Variants in COL6A5 observed in about 807,000 individuals in gnomAD.
The protein encoded by COL6A5 is collagen alpha-5(VI) chain.
COL6A5 carries 48 observed loss-of-function variants against 65.6 expected under a neutral mutation model. The ratio of observed to expected loss-of-function variants is 0.73; its 90% CI spans 0.58 to 0.93. The LOEUF (loss-of-function observed/expected upper bound fraction) is 0.93. Among genes scored for constraint, COL6A5 ranks in the 40% least tolerant of loss-of-function variants. The probability of loss-of-function intolerance (pLI) is 0.00; values close to 1 mark genes in which losing one functional copy is unlikely to be tolerated. For missense variants in COL6A5, 914 were observed against 928.3 expected (o/e 0.98, Z 0.20); for synonymous variants, 291 against 322.8 (o/e 0.90, Z 1.05).
intron 4 of COL6A5, among the ~76,000 whole-genome samples, chr3:130,445,760 C>T (rs575669949): frequency 5.9e-4 from 89 of 152,106 alleles, no homozygotes; most frequent in Non-Finnish European, 1.1e-3. Context: ...TCTCGTTCTC[C>T]TGATAAGAAA....
upstream of COL6A5, among the ~76,000 whole-genome samples, chr3:130,428,488 T>G (rs16827675): frequency 0.13 from 19,666 of 152,018 alleles, 2,582 homozygotes; most frequent in East Asian, 0.35. Context: ...TGATTAGCAT[T>G]TTGGAGGGAG....
At chr3:130,396,889 G>C (rs185152842) in intron 8 of COL6A5, among the ~76,000 whole-genome samples, 9 of 152,266 alleles carry the variant, frequency 5.9e-5, no homozygotes, top group East Asian at 1.9e-4. Flanking sequence ...TTGAGATGGA[G>C]TCTCGCTCTG....
intron 10 of COL6A5, among the ~76,000 whole-genome samples, chr3:130,399,438 T>C (rs1936731447): frequency 6.6e-6 from 1 of 151,488 alleles, no homozygotes. Context: ...TGGCCCGATC[T>C]TGGCTCACTG....
intron 1 of COL6A5, among the ~76,000 whole-genome samples, chr3:130,359,396 T>C (rs1007859635): frequency 1.2e-4 from 19 of 152,058 alleles, no homozygotes; most frequent in African/African-American, 2.4e-5. Context: ...TATGAAATGT[T>C]TAATTTAAAA....
chr3:130,401,117 A>G (rs954525713), exon 11 of COL6A5: 2 of 1,551,104 alleles, frequency 1.3e-6, no homozygotes, highest in Non-Finnish European at 1.7e-6. Context: ...ATTCGATTAC[A>G]GGACTCATCT....
intron 25 of COL6A5, among the ~76,000 whole-genome samples, chr3:130,419,661 G>T (rs539965709): frequency 1.3e-5 from 2 of 152,160 alleles, no homozygotes; most frequent in South Asian, 4.1e-4. Flanking sequence ...AATAAACCAG[G>T]CATGGAAAGT....
intron 7 of COL6A5, among the ~76,000 whole-genome samples, chr3:130,478,654 G>C (rs1710156831): frequency 6.6e-6 from 1 of 152,092 alleles, no homozygotes; most frequent in Non-Finnish European, 1.5e-5. Context: ...CTTTGCCCCA[G>C]ATGTAAAACC....
At chr3:130,439,247 G>A (rs537808861) in intron 1 of COL6A5, among the ~76,000 whole-genome samples, 1 of 152,114 alleles carries the variant, frequency 6.6e-6, no homozygotes, top group South Asian at 2.1e-4. Flanking sequence ...ATCTGGTCAG[G>A]TTATCTCATG....
chr3:130,400,648 C>T (rs1430601031), intron 10 of COL6A5, among the ~76,000 whole-genome samples: 1 of 152,186 alleles, frequency 6.6e-6, no homozygotes, highest in Non-Finnish European at 1.5e-5. Flanking sequence ...CAGGAAAATT[C>T]AGCAAAGCTC....
chr3:130,345,698 T>A (rs1934435537), exon 1 of COL6A5: 2 of 398,382 alleles, frequency 5.0e-6, no homozygotes, highest in African/African-American at 2.1e-5. Context: ...TTGTGAAGAG[T>A]TAAAAGCCCC....
intron 6 of COL6A5, 140 bp downstream of exon 38, chr3:130,469,621 T>G (rs374122601): frequency 4.1e-6 from 3 of 739,918 alleles, no homozygotes. Context: ...GTAAAAAATC[T>G]CAGAGAAAAT....
At chr3:130,352,078 G>A (rs988757586) in intron 1 of COL6A5, among the ~76,000 whole-genome samples, 1 of 152,098 alleles carries the variant, frequency 6.6e-6, no homozygotes, top group Non-Finnish European at 1.5e-5. Context: ...AACACCGCAC[G>A]TTCTCACTCA....
At chr3:130,403,562 TA>T in intron 12 of COL6A5, 46 bp from the exon 13 acceptor site, 1 of 1,391,066 alleles carries the variant, frequency 7.2e-7, no homozygotes, top group Non-Finnish European at 9.5e-7. Flanking sequence ...AGTTTGACTT[TA>T]TTGGGGGGGG....
At chr3:130,444,703 G>A (rs945171319) in intron 4 of COL6A5, among the ~76,000 whole-genome samples, 4 of 152,148 alleles carry the variant, frequency 2.6e-5, no homozygotes, top group Non-Finnish European at 5.9e-5. Context: ...ATTTACTACA[G>A]TGGAGCCCCC....
At chr3:130,412,590 G>A (rs1017930016) in intron 20 of COL6A5, among the ~76,000 whole-genome samples, 1 of 152,146 alleles carries the variant, frequency 6.6e-6, no homozygotes, top group South Asian at 2.1e-4. Context: ...AGGAACCGAG[G>A]CCTCAATCTT....
At chr3:130,365,984 A>G (rs1320406541) in intron 1 of COL6A5, among the ~76,000 whole-genome samples, 1 of 152,182 alleles carries the variant, frequency 6.6e-6, no homozygotes, top group Non-Finnish European at 1.5e-5. Context: ...TTGTTTTCTC[A>G]GCCACAACCC....
At chr3:130,378,745 T>G (rs1362633224) in intron 3 of COL6A5, among the ~76,000 whole-genome samples, 1 of 152,164 alleles carries the variant, frequency 6.6e-6, no homozygotes, top group Non-Finnish European at 1.5e-5. Flanking sequence ...CTCTCTTCAG[T>G]CATTTCTCAA....
upstream of COL6A5, chr3:130,431,352 G>A: frequency 8.4e-7 from 1 of 1,188,822 alleles, no homozygotes; most frequent in Non-Finnish European, 1.2e-6. Context: ...TTCTAGAGCT[G>A]GATGAAGCAC....
chr3:130,353,837 T>C (rs934494939), intron 1 of COL6A5, among the ~76,000 whole-genome samples: 2 of 151,932 alleles, frequency 1.3e-5, no homozygotes, highest in African/African-American at 4.8e-5. Flanking sequence ...TTTGGAGGAA[T>C]AGAAGAAAAC....
Sources: allele counts gnomAD v4.1 joint callset (sites outside exome capture counted in the v4.1 genomes callset), GRCh38; gene constraint gnomAD v4.1.1; transcripts MANE v1.5; gene names NCBI Gene and HGNC (gene_info 2026-07-23, HGNC 2026-07-21).